Variants in ZNF44 observed in about 807,000 individuals in gnomAD.
ZNF44 encodes the protein zinc finger protein 44, also known as gonadotropin inducible transcription repressor-2.
ZNF44 carries 9 observed loss-of-function variants against 11.7 expected under a neutral mutation model. That is an observed-to-expected ratio of 0.77 (90% CI 0.46 to 1.35). The LOEUF (loss-of-function observed/expected upper bound fraction) is 1.35. Ranked by LOEUF, ZNF44 falls within the 40% of genes most tolerant of loss-of-function variation. ZNF44 has a pLI of 0.00. For missense variants in ZNF44, 696 were observed against 743.1 expected, an observed-to-expected ratio of 0.94 and a Z score of 0.74; for synonymous variants, 224 against 242.7, an observed-to-expected ratio of 0.92 and a Z score of 0.72.
At chr19:12,229,859 G>A (rs575972428) in intron 3 of ZNF44, among the ~76,000 whole-genome samples, 73 of 152,186 alleles carry the variant, frequency 4.8e-4, no homozygotes, top group Non-Finnish European at 8.1e-4. Context: ...TGATCAGCCC[G>A]CCTCAGCCTC....
intron 1 of ZNF44, 144 bp downstream of exon 1, chr19:12,294,548 A>T (rs967356429): frequency 1.7e-6 from 2 of 1,179,780 alleles, no homozygotes; most frequent in African/African-American, 3.2e-5. Flanking sequence ...GGCCAAACGG[A>T]CCGAGGACCG....
chr19:12,238,865 C>G (rs1303616578), upstream of ZNF44, among the ~76,000 whole-genome samples: 1 of 152,140 alleles, frequency 6.6e-6, no homozygotes, highest in African/African-American at 2.4e-5. Context: ...GGAAAAGCCG[C>G]ATTCAGAAAA....
At position 12,260,591 on chromosome 19, in the gene ZNF44, C is replaced by T. The variant is rs1917469184; in HGVS notation, c.1913-10223G>A. ...CAGCTGGCTTTCTCACCACCAGCCC[C>T]TCATGCCCGCAAAAAACAAAAACAA... On this transcript the variant is annotated intron_variant and NMD_transcript_variant, in intron 5 of 7. Transcript: ENST00000393337. The T allele has an allele frequency of 2.3e-5, 15 of 647,964 alleles. No individual in the cohort carries two copies. The South Asian group carries it at 2.6e-4, about 11-fold the overall frequency. 40.1% of individuals were successfully genotyped at this position (647,964 alleles called of 1,614,324 possible). A position where few individuals can be genotyped will look rare whatever the true frequency, so the allele number is the denominator to read the frequency against.
chr19:12,265,715 A>C (rs1180564347), intron 5 of ZNF44, among the ~76,000 whole-genome samples: 5 of 152,194 alleles, frequency 3.3e-5, no homozygotes, highest in Non-Finnish European at 7.3e-5. Flanking sequence ...CCAAGCTGCT[A>C]TCTCTGCTTT....
At chr19:12,226,934 C>T (rs537777446) in intron 3 of ZNF44, among the ~76,000 whole-genome samples, 5 of 152,118 alleles carry the variant, frequency 3.3e-5, no homozygotes, top group Middle Eastern at 3.4e-3. Context: ...GGTGTGGTGG[C>T]GAACGCCTGT....
At chr19:12,251,493 T>G (rs922081126) in intron 5 of ZNF44, among the ~76,000 whole-genome samples, 1 of 152,086 alleles carries the variant, frequency 6.6e-6, no homozygotes, top group Non-Finnish European at 1.5e-5. Flanking sequence ...TTTCACTATT[T>G]GTGTTAATAT....
At chr19:12,232,595 A>AC (rs1430852976) in intron 2 of ZNF44, among the ~76,000 whole-genome samples, 5 of 152,264 alleles carry the variant, frequency 3.3e-5, no homozygotes, top group East Asian at 3.9e-4. Context: ...CACATCTTGC[A>AC]CCCCCCTTAA....
rs1967642235 is a variant in ZNF44, at chr19:12,284,546, GATCT to G, written c.4-8468_4-8465del. ...ACATGAAGATCTAGTCCCTGGAGGAGATCTATCTCTTCTCCCTGCCCATCAAGGA... is the reference window on the plus strand; with the variant it reads ...ACATGAAGATCTAGTCCCTGGAGGAGATCTCTTCTCCCTGCCCATCAAGGA... On this transcript the variant is annotated intron_variant, in intron 1 of 3. Transcript: ENST00000355684. The G allele has an allele frequency of 4.2e-6, 3 of 708,652 alleles. No homozygotes were observed. The African/African-American group carries it at 5.2e-5, about 12-fold the overall frequency. The allele number at this position is 708,652 out of a possible 1,614,324, so 43.9% of individuals were successfully genotyped here.
chr19:12,232,069 G>A (rs973600141), intron 2 of ZNF44, among the ~76,000 whole-genome samples: 2 of 152,216 alleles, frequency 1.3e-5, no homozygotes, highest in South Asian at 4.1e-4. Flanking sequence ...AGTGGGGAGA[G>A]GGTCAGCAGA....
downstream of ZNF44, among the ~76,000 whole-genome samples, chr19:12,245,964 C>T (rs2145686810): frequency 6.6e-6 from 1 of 152,300 alleles, no homozygotes. Context: ...TCTGTTTTCT[C>T]AGACAGGTAG....
downstream of ZNF44, chr19:12,244,492 G>C (rs1225483839): frequency 1.3e-5 from 2 of 152,458 alleles, no homozygotes; most frequent in East Asian, 1.9e-4. Flanking sequence ...TTATACCACA[G>C]GAAATACTTC....
chr19:12,274,091 A>T, intron 3 of ZNF44, 28 bp from the exon 4 acceptor site: 1 of 1,536,006 alleles, frequency 6.5e-7, no homozygotes, highest in Non-Finnish European at 8.8e-7. Flanking sequence ...TACATTACTA[A>T]AGGTTTATTA....
chr19:12,282,924 TC>T (rs1401464530), intron 1 of ZNF44, among the ~76,000 whole-genome samples: 1 of 152,196 alleles, frequency 6.6e-6, no homozygotes, highest in East Asian at 1.9e-4. Flanking sequence ...TCAGCTGTCA[TC>T]TATAGGCAAT....
rs763349486 is a variant in ZNF44, at chr19:12,273,550, A to G, written c.705T>C (p.Pro235=). The G allele has an allele frequency of 9.9e-6, 16 of 1,614,054 alleles. No homozygotes were observed. In the East Asian group the frequency reaches 3.3e-4, roughly 34 times the overall value. ...YECKQCSKAF[P]VYSSYLRHEK... is the part of the protein sequence containing the mutation. Reference sequence around the variant, plus strand: ...CATGTCTTAGATAGGAACTGTAAACAGGGAAGGCTTTAGAACACTGCTTAC... The same window carrying G: ...CATGTCTTAGATAGGAACTGTAAACGGGGAAGGCTTTAGAACACTGCTTAC... Residue 235 remains proline (P), a synonymous_variant, in exon 4 of 4, where the codon CCT becomes CCC. Transcript: ENST00000355684.
intron 1 of ZNF44, chr19:12,284,380 G>A: frequency 1.6e-6 from 1 of 612,636 alleles, no homozygotes; most frequent in Non-Finnish European, 3.0e-6. Flanking sequence ...AGAGGCCCTG[G>A]GGACCCTGGG....
intron 7 of ZNF44, chr19:12,249,943 C>G (rs1427242579): frequency 8.1e-6 from 10 of 1,240,808 alleles, no homozygotes; most frequent in Non-Finnish European, 1.0e-5. Context: ...GATTTTTCTC[C>G]TAGAATACTG....
rs1273133780 is a variant in ZNF44, at chr19:12,294,867, C to T, written c.-173G>A. ...CTGGAACGTCACACCCTCCTCTCTG[C>T]CTCGCGCCTGATTGACAATTCTCAG... On this transcript the variant is annotated 5_prime_UTR_variant, in exon 1 of 4. Coordinates refer to ENST00000355684, the MANE Select transcript of ZNF44 (RefSeq NM_016264.4). 2.8e-6 allele frequency: 2 copies of T among 702,936 alleles called. No homozygotes were observed. The highest frequency in any genetic ancestry group is 4.3e-5 in the South Asian group (2 of 46,504). 43.5% of individuals were successfully genotyped at this position (702,936 alleles called of 1,614,324 possible).
intron 1 of ZNF44, among the ~76,000 whole-genome samples, chr19:12,277,739 T>G (rs2863681): frequency 0.086 from 13,025 of 151,718 alleles, 513 homozygotes; most frequent in Non-Finnish European, 0.11. Context: ...TGTAGAACTC[T>G]GATCACCACA....
At chr19:12,248,424 G>T (rs746274620) in exon 8 of ZNF44, 1 of 1,290,920 alleles carries the variant, frequency 7.7e-7, no homozygotes, top group South Asian at 1.2e-5. Flanking sequence ...ATAACTGAAG[G>T]GTTTCCCACA....
Sources: allele counts gnomAD v4.1 joint callset (sites outside exome capture counted in the v4.1 genomes callset), GRCh38; gene constraint gnomAD v4.1.1; transcripts MANE v1.5; gene names NCBI Gene and HGNC (gene_info 2026-07-23, HGNC 2026-07-21).